FARP2: variants seen among roughly 807,000 people sequenced by gnomAD.
The protein encoded by FARP2 is FERM, ARH/RhoGEF and pleckstrin domain protein 2, also known as FERM, ARHGEF and pleckstrin domain-containing protein 2.
A neutral mutation model predicts 130.5 loss-of-function variants in FARP2; 111 were observed. That is an observed-to-expected ratio of 0.85 (90% CI 0.73 to 1.00). FARP2 has a LOEUF of 1.00. FARP2 is among the 50% of genes least tolerant of loss of function. The probability of loss-of-function intolerance (pLI) is 0.00; values close to 1 mark genes in which losing one functional copy is unlikely to be tolerated. For missense variants in FARP2, 1,385 were observed against 1,346.3 expected (o/e 1.03, Z -0.45); for synonymous variants, 504 against 516.9 (o/e 0.98, Z 0.34).
chr2:241,415,881 A>C (rs868566750), intron 7 of FARP2, among the ~76,000 whole-genome samples: 2 of 152,132 alleles, frequency 1.3e-5, no homozygotes, highest in African/African-American at 4.8e-5. Context: ...TGAATTCTAG[A>C]TTCAAGTACA....
chr2:241,484,407 G>C, intron 21 of FARP2, 76 bp downstream of exon 21: 1 of 1,217,874 alleles, frequency 8.2e-7, no homozygotes, highest in Non-Finnish European at 1.2e-6. Flanking sequence ...TCCTGCAGAG[G>C]CGAATCCTTA....
intron 8 of FARP2, among the ~76,000 whole-genome samples, chr2:241,429,200 A>G (rs2063031837): frequency 6.6e-6 from 1 of 152,234 alleles, no homozygotes; most frequent in African/African-American, 2.4e-5. Context: ...CAGCACAGAA[A>G]GGTCCTGCTG....
chr2:241,451,965 G>A (rs1374797963), intron 13 of FARP2, among the ~76,000 whole-genome samples: 1 of 152,140 alleles, frequency 6.6e-6, no homozygotes, highest in East Asian at 1.9e-4. Context: ...ATGCTGGCCA[G>A]GCTTCTCTCA....
At chr2:241,359,455 G>A (rs1005148097) in intron 1 of FARP2, among the ~76,000 whole-genome samples, 3 of 152,102 alleles carry the variant, frequency 2.0e-5, no homozygotes, top group Non-Finnish European at 4.4e-5. Flanking sequence ...TAGAGCTCGC[G>A]CAGCACAACC....
intron 8 of FARP2, among the ~76,000 whole-genome samples, chr2:241,421,552 G>A (rs559745214): frequency 6.6e-6 from 1 of 152,278 alleles, no homozygotes; most frequent in African/African-American, 2.4e-5. Flanking sequence ...TAGCCTGCTG[G>A]CTTTGGAGTC....
intron 17 of FARP2, chr2:241,466,714 G>C (rs1038388110): frequency 1.5e-5 from 7 of 466,220 alleles, no homozygotes; most frequent in Non-Finnish European, 1.7e-5. Flanking sequence ...ACCACCACCC[G>C]TACCCTCCTA....
rs546861991 is a variant in FARP2, at chr2:241,368,410, C to T, written c.-24-4674C>T. On this transcript the variant is annotated intron_variant, in intron 1 of 26. Coordinates refer to ENST00000264042, the MANE Select transcript of FARP2 (RefSeq NM_014808.4). ...GTTCCTGGGACCACAGAACATGGTG[C>T]GCCAAGGACTGTTCATGGCCTTGCC... 5.9e-5 allele frequency among the ~76,000 whole-genome samples: 9 copies of T among 152,228 alleles called. No individual in the cohort carries two copies. In the South Asian group the frequency reaches 8.3e-4, roughly 14 times the overall value.
At chr2:241,417,295 CA>C (rs1162509119) in intron 7 of FARP2, among the ~76,000 whole-genome samples, 516 of 135,544 alleles carry the variant, frequency 3.8e-3, no homozygotes, top group Admixed American at 4.4e-3. Flanking sequence ...GAGACTCCAT[CA>C]AAAAAAAAAA....
intron 1 of FARP2, among the ~76,000 whole-genome samples, chr2:241,361,937 C>T (rs2061197159): frequency 6.6e-6 from 1 of 151,704 alleles, no homozygotes; most frequent in Non-Finnish European, 1.5e-5. Flanking sequence ...CTCTGTCACC[C>T]AGGCTGGAGT....
chr2:241,367,690 AG>A (rs2061345364), intron 1 of FARP2, among the ~76,000 whole-genome samples: 1 of 152,084 alleles, frequency 6.6e-6, no homozygotes. Context: ...ATTTTAGGAA[AG>A]GTGATTTTTT....
chr2:241,386,829 C>G (rs1441216892), intron 2 of FARP2: 2 of 152,224 alleles, frequency 1.3e-5, no homozygotes, highest in Non-Finnish European at 2.9e-5. Context: ...CTGTTAGTCA[C>G]TGGTTTCTTT....
chr2:241,403,841 G>C lies in FARP2; in HGVS notation c.197G>C (p.Gly66Ala). 3 of 1,611,892 alleles carry C rather than the reference G, an allele frequency of 1.9e-6. No individual in the cohort carries two copies. The highest frequency in any genetic ancestry group is 8.5e-7 in the Non-Finnish European group (1 of 1,178,114). Residue 66 changes from glycine to alanine, a missense_variant, in exon 3 of 27, where the codon GGC (glycine) becomes GCC (alanine). Coordinates refer to ENST00000264042, the MANE Select transcript of FARP2 (RefSeq NM_014808.4). The stretch of plus-strand genomic sequence containing the variant: ...CTCTCTGCACAGCCTAAATGCGATG[G>C]CCAGGTATTACTGACACAAGTGTGG... ...EIFDIEPKCD[G>A]QVLLTQVWKR...
At chr2:241,487,169 T>G (rs900445529) in intron 21 of FARP2, among the ~76,000 whole-genome samples, 1 of 152,226 alleles carries the variant, frequency 6.6e-6, no homozygotes, top group African/African-American at 2.4e-5. Context: ...GTAACTGCTT[T>G]TTACTTTGCC....
At chr2:241,369,939 T>G (rs2061389278) in intron 1 of FARP2, among the ~76,000 whole-genome samples, 2 of 152,160 alleles carry the variant, frequency 1.3e-5, no homozygotes, top group Non-Finnish European at 2.9e-5. Flanking sequence ...CATTAACTAC[T>G]CAATAAATAA....
intron 17 of FARP2, chr2:241,466,628 GC>G (rs2064176425): frequency 1.0e-6 from 1 of 983,458 alleles, no homozygotes; most frequent in African/African-American, 1.8e-5. Flanking sequence ...TCCCCACCTG[GC>G]CCTCACCACC....
intron 18 of FARP2, among the ~76,000 whole-genome samples, chr2:241,470,268 G>T (rs918461857): frequency 6.6e-6 from 1 of 152,256 alleles, no homozygotes; most frequent in East Asian, 1.9e-4. Flanking sequence ...GTTTCCAAGG[G>T]TGCTGGATGT....
chr2:241,407,170 T>C (rs2062382479), intron 4 of FARP2, among the ~76,000 whole-genome samples: 1 of 152,168 alleles, frequency 6.6e-6, no homozygotes, highest in African/African-American at 2.4e-5. Context: ...TAAAATTCTA[T>C]ATATATATGT....
intron 1 of FARP2, among the ~76,000 whole-genome samples, chr2:241,362,685 C>G (rs1003155453): frequency 6.6e-6 from 1 of 151,974 alleles, no homozygotes; most frequent in Non-Finnish European, 1.5e-5. Flanking sequence ...GACAGTTATT[C>G]CAGCTTTCTC....
intron 4 of FARP2, 95 bp downstream of exon 4, chr2:241,404,936 C>A: frequency 3.4e-6 from 3 of 890,468 alleles, no homozygotes; most frequent in Non-Finnish European, 3.7e-6. Flanking sequence ...TTCTCACCAC[C>A]GTGTATGGTT....
Sources: gnomAD v4.1 joint callset for allele counts (sites outside exome capture counted in the v4.1 genomes callset) on GRCh38, gnomAD v4.1.1 for gene constraint, MANE v1.5 for transcripts, NCBI Gene and HGNC (gene_info 2026-07-23, HGNC 2026-07-21) for gene names.